Variants in ADGRB3 observed in about 807,000 individuals in gnomAD.
ADGRB3 encodes the protein brain-specific angiogenesis inhibitor 3.
ADGRB3 carries 37 observed loss-of-function variants against 193.4 expected under a neutral mutation model. That is an observed-to-expected ratio of 0.19 (90% CI 0.15 to 0.25). The LOEUF is 0.25. ADGRB3 is among the 10% of genes least tolerant of loss of function. ADGRB3 has a pLI of 1.00. For missense variants in ADGRB3, 1,637 were observed against 1,852.9 expected, an observed-to-expected ratio of 0.88 and a Z score of 2.14; for synonymous variants, 690 against 644.2, an observed-to-expected ratio of 1.07 and a Z score of -1.08.
chr6:69,058,632 G>T (rs747197566), intron 15 of ADGRB3, among the ~76,000 whole-genome samples: 1 of 151,754 alleles, frequency 6.6e-6, no homozygotes, highest in Admixed American at 6.6e-5. Context: ...ATGTTATGTG[G>T]TATGTTGTAT....
intron 3 of ADGRB3, among the ~76,000 whole-genome samples, chr6:68,813,079 C>T (rs1767549854): frequency 6.6e-6 from 1 of 152,064 alleles, no homozygotes; most frequent in Admixed American, 6.6e-5. Context: ...GTGGGAGGGA[C>T]CCAGGGGGAG....
intron 3 of ADGRB3, among the ~76,000 whole-genome samples, chr6:68,687,402 C>A (rs893064391): frequency 1.3e-5 from 2 of 151,728 alleles, no homozygotes; most frequent in African/African-American, 4.8e-5. Context: ...GTTTTTGCAC[C>A]AAAATAAGCT....
chr6:69,291,253 TATC>T (rs1160056030), intron 20 of ADGRB3, among the ~76,000 whole-genome samples: 1 of 152,160 alleles, frequency 6.6e-6, no homozygotes. Flanking sequence ...CTGTGATTAT[TATC>T]ATCATTATTA....
At chr6:69,032,117 G>T (rs1770729918) in intron 13 of ADGRB3, among the ~76,000 whole-genome samples, 1 of 152,132 alleles carries the variant, frequency 6.6e-6, no homozygotes, top group Non-Finnish European at 1.5e-5. Flanking sequence ...CAAAAAGACT[G>T]TTTGGGAAAC....
chr6:69,275,589 C>T (rs186692969), intron 20 of ADGRB3, among the ~76,000 whole-genome samples: 1 of 151,604 alleles, frequency 6.6e-6, no homozygotes, highest in Non-Finnish European at 1.5e-5. Context: ...ATATATGATC[C>T]AGACACCAGT....
intron 8 of ADGRB3, among the ~76,000 whole-genome samples, chr6:68,958,878 T>TAATA (rs748710338): frequency 0.29 from 43,242 of 146,780 alleles, 6,580 homozygotes; most frequent in Middle Eastern, 0.39. Context: ...ATAGTGTGTG[T>TAATA]GTGTGTGTGT....
At chr6:68,685,194 T>C (rs542728837) in intron 3 of ADGRB3, among the ~76,000 whole-genome samples, 1 of 152,076 alleles carries the variant, frequency 6.6e-6, no homozygotes, top group South Asian at 2.1e-4. Context: ...CCCATAAAAT[T>C]AAGAATTTAA....
At chr6:69,230,753 C>T (rs1766116747) in intron 17 of ADGRB3, among the ~76,000 whole-genome samples, 1 of 152,022 alleles carries the variant, frequency 6.6e-6, no homozygotes, top group African/African-American at 2.4e-5. Context: ...TGGTTACCCA[C>T]CCCCCTCCTC....
At chr6:69,387,662 G>T (rs988922496) in intron 31 of ADGRB3, among the ~76,000 whole-genome samples, 3 of 151,920 alleles carry the variant, frequency 2.0e-5, no homozygotes, top group Non-Finnish European at 4.4e-5. Flanking sequence ...AGCCTCCCAC[G>T]TAGCTAGAAT....
intron 3 of ADGRB3, among the ~76,000 whole-genome samples, chr6:68,910,249 G>T (rs1477270149): frequency 6.6e-6 from 1 of 152,074 alleles, no homozygotes; most frequent in Non-Finnish European, 1.5e-5. Context: ...TTGTCGATGG[G>T]GTTGTTTGTT....
chr6:69,324,856 T>G lies in ADGRB3; in HGVS notation c.2815-16T>G, dbSNP rs369265854. On this transcript the variant is annotated splice_polypyrimidine_tract_variant and intron_variant, in intron 20 of 31. Coordinates refer to ENST00000370598, the MANE Select transcript of ADGRB3 (RefSeq NM_001704.3). ...CCAGGTTCAGTGTGAGTCTTTTTGT[T>G]TGTTTGTTTCCACAGAGTATCTGCA... The G allele has an allele frequency of 5.0e-6, 8 of 1,612,524 alleles. No homozygotes were observed. The African/African-American group carries it at 1.1e-4, about 22-fold the overall frequency.
chr6:68,994,243 A>T (rs1769322553), intron 11 of ADGRB3, among the ~76,000 whole-genome samples: 1 of 152,208 alleles, frequency 6.6e-6, no homozygotes, highest in Admixed American at 6.5e-5. Flanking sequence ...TAGCAAATTC[A>T]AGGTGGTATC....
chr6:69,183,319 A>G (rs1013990299), intron 17 of ADGRB3, among the ~76,000 whole-genome samples: 1 of 152,158 alleles, frequency 6.6e-6, no homozygotes, highest in African/African-American at 2.4e-5. Flanking sequence ...GCCCTGCACT[A>G]TACAAAGTGA....
chr6:69,248,709 T>G (rs1326536556), intron 20 of ADGRB3, among the ~76,000 whole-genome samples: 1 of 152,228 alleles, frequency 6.6e-6, no homozygotes, highest in African/African-American at 2.4e-5. Context: ...GCAATGGATG[T>G]GACTGGATTT....
intron 17 of ADGRB3, among the ~76,000 whole-genome samples, chr6:69,090,041 G>A (rs1772662281): frequency 6.6e-6 from 1 of 152,070 alleles, no homozygotes; most frequent in Non-Finnish European, 1.5e-5. Context: ...ATTTTATTTT[G>A]TTTTTTAGCA....
chr6:69,250,843 A>C (rs1485237804), intron 20 of ADGRB3, among the ~76,000 whole-genome samples: 3 of 152,228 alleles, frequency 2.0e-5, no homozygotes, highest in Non-Finnish European at 2.9e-5. Flanking sequence ...TGATTTAAAC[A>C]TATGTCTGTT....
At chr6:68,790,947 C>T (rs1414335295) in intron 3 of ADGRB3, among the ~76,000 whole-genome samples, 1 of 151,908 alleles carries the variant, frequency 6.6e-6, no homozygotes, top group East Asian at 1.9e-4. Context: ...TCTTATATTG[C>T]CACTGTGCCC....
chr6:68,874,871 G>A (rs1457046775), intron 3 of ADGRB3, among the ~76,000 whole-genome samples: 1 of 151,786 alleles, frequency 6.6e-6, no homozygotes, highest in African/African-American at 2.4e-5. Flanking sequence ...TAAAATTTTG[G>A]GTATTTGGCT....
intron 3 of ADGRB3, among the ~76,000 whole-genome samples, chr6:68,914,307 C>T (rs547213113): frequency 0.01 from 1,591 of 152,104 alleles, 24 homozygotes; most frequent in African/African-American, 0.036. Flanking sequence ...GGTCGGGTTA[C>T]CCACAAAGGG....
Sources: gnomAD v4.1 joint callset for allele counts (sites outside exome capture counted in the v4.1 genomes callset) on GRCh38, gnomAD v4.1.1 for gene constraint, MANE v1.5 for transcripts, NCBI Gene and HGNC (gene_info 2026-07-23, HGNC 2026-07-21) for gene names.